Variants in ASAP2 observed in about 807,000 individuals in gnomAD.
ASAP2 encodes the protein ArfGAP with SH3 domain, ankyrin repeat and PH domain 2.
Under a neutral mutation model 131.4 loss-of-function variants are expected in ASAP2, and 45 were observed. The ratio of observed to expected loss-of-function variants is 0.34; its 90% CI spans 0.27 to 0.44. The LOEUF (loss-of-function observed/expected upper bound fraction) is 0.44, where lower values mean the gene tolerates loss of function less well. Among genes scored for constraint, ASAP2 ranks in the 20% least tolerant of loss-of-function variants. The pLI is 1.00. For missense variants in ASAP2, 1,011 were observed against 1,297.0 expected (o/e 0.78, Z 3.39); for synonymous variants, 510 against 503.0 (o/e 1.01, Z -0.19).
intron 16 of ASAP2, among the ~76,000 whole-genome samples, chr2:9,369,229 G>C (rs1326905936): frequency 6.6e-6 from 1 of 152,174 alleles, no homozygotes; most frequent in Admixed American, 6.5e-5. Context: ...ATGTTGGCCA[G>C]GCTGGACTCG....
At chr2:9,388,625 T>C in intron 22 of ASAP2, 79 bp downstream of exon 22, 16 of 1,536,306 alleles carry the variant, frequency 1.0e-5, no homozygotes, top group Non-Finnish European at 1.4e-5. Context: ...CTGCCCTGCC[T>C]CCAACTCAGT....
At chr2:9,264,127 G>C (rs980593760) in intron 1 of ASAP2, among the ~76,000 whole-genome samples, 1 of 151,180 alleles carries the variant, frequency 6.6e-6, no homozygotes. Context: ...TGGAAAGAGA[G>C]GTTGCAGTGA....
intron 22 of ASAP2, 87 bp from the exon 23 acceptor site, chr2:9,390,975 A>G: frequency 3.8e-6 from 6 of 1,599,672 alleles, no homozygotes; most frequent in South Asian, 1.1e-5. Context: ...GGGAGGATCA[A>G]TAACGCAGTG....
Position 9,318,461 on chromosome 2 carries a change from C to T in ASAP2, c.346-63C>T, listed in dbSNP as rs549384409. 13 of 1,221,502 alleles carry T rather than the reference C, an allele frequency of 1.1e-5. No homozygotes were observed. In the East Asian group the frequency reaches 2.9e-4, roughly 27 times the overall value. The allele number at this position is 1,221,502 out of a possible 1,614,324, so 75.7% of individuals were successfully genotyped here. Reference sequence around the variant, plus strand: ...TCAAATGTTCTCTCTAATGTCCTTGCTGTCCTTACTTTAGATTCACAAGGA... The same window carrying T: ...TCAAATGTTCTCTCTAATGTCCTTGTTGTCCTTACTTTAGATTCACAAGGA... On this transcript the variant is annotated intron_variant, in intron 3 of 27. Coordinates refer to ENST00000281419, the MANE Select transcript of ASAP2 (RefSeq NM_003887.3).
chr2:9,301,193 G>A (rs955731160), intron 3 of ASAP2, among the ~76,000 whole-genome samples: 2 of 152,174 alleles, frequency 1.3e-5, no homozygotes, highest in East Asian at 3.8e-4. Context: ...AAGACTCACA[G>A]TGCTACCTCT....
At chr2:9,394,159 C>CT (rs71389241) in intron 24 of ASAP2, among the ~76,000 whole-genome samples, 10,614 of 81,746 alleles carry the variant, frequency 0.13, 947 homozygotes, top group African/African-American at 0.16. Context: ...TAGTTTGTGG[C>CT]TTTTTTTTTT....
chr2:9,252,934 A>G (rs960557284), intron 1 of ASAP2, among the ~76,000 whole-genome samples: 1 of 150,834 alleles, frequency 6.6e-6, no homozygotes, highest in Non-Finnish European at 1.5e-5. Flanking sequence ...AAAAAAAAGA[A>G]TTTAGGAACA....
At chr2:9,310,715 G>C (rs890419681) in intron 3 of ASAP2, among the ~76,000 whole-genome samples, 1 of 152,204 alleles carries the variant, frequency 6.6e-6, no homozygotes, top group African/African-American at 2.4e-5. Context: ...GTGAACTGAA[G>C]GGTGGGGGAA....
intron 1 of ASAP2, among the ~76,000 whole-genome samples, chr2:9,230,928 T>C (rs1390357222): frequency 1.3e-5 from 2 of 152,082 alleles, no homozygotes; most frequent in Non-Finnish European, 2.9e-5. Context: ...CTTGGAGGTG[T>C]GTGAGGGAGG....
intron 1 of ASAP2, among the ~76,000 whole-genome samples, chr2:9,264,007 C>T: frequency 6.6e-6 from 1 of 151,920 alleles, no homozygotes; most frequent in African/African-American, 2.4e-5. Flanking sequence ...GCCTGGCCAA[C>T]CTAAGGAAAC....
chr2:9,211,903 A>T (rs1381290839), intron 1 of ASAP2, among the ~76,000 whole-genome samples: 1 of 152,214 alleles, frequency 6.6e-6, no homozygotes, highest in Non-Finnish European at 1.5e-5. Flanking sequence ...TGCCCAGAGC[A>T]TTCATGTTTT....
intron 14 of ASAP2, among the ~76,000 whole-genome samples, chr2:9,356,869 T>C (rs1672745598): frequency 6.6e-6 from 1 of 152,166 alleles, no homozygotes; most frequent in Admixed American, 6.5e-5. Flanking sequence ...GAAATAAGAT[T>C]TTATTTTTAC....
chr2:9,387,080 G>GC (rs1572611958), intron 21 of ASAP2, among the ~76,000 whole-genome samples: 1 of 151,110 alleles, frequency 6.6e-6, no homozygotes, highest in African/African-American at 2.4e-5. Flanking sequence ...GTGGTGGGTG[G>GC]GGGGGCGCCT....
At chr2:9,354,318 C>A (rs932811995) in intron 12 of ASAP2, among the ~76,000 whole-genome samples, 1 of 152,234 alleles carries the variant, frequency 6.6e-6, no homozygotes, top group African/African-American at 2.4e-5. Flanking sequence ...GTGCTCCGAT[C>A]GCCCCCTCTG....
At chr2:9,357,655 C>T (rs747957388) in intron 14 of ASAP2, among the ~76,000 whole-genome samples, 4 of 152,096 alleles carry the variant, frequency 2.6e-5, no homozygotes, top group Non-Finnish European at 5.9e-5. Context: ...AATGCCAAGA[C>T]AGTGTGGGTA....
Position 9,351,342 on chromosome 2 carries a change from T to C in ASAP2, c.1111+447T>C, listed in dbSNP as rs575829604. On this transcript the variant is annotated intron_variant, in intron 12 of 27. Transcript: ENST00000281419. ...GAAACTTCAGTGTTTGAAATTGTTT[T>C]TCTTCCTCACCACAGGAATAGTCTT... Among the ~76,000 whole-genome samples the C allele has an allele frequency of 2.0e-5, 3 of 152,370 alleles. No homozygotes were observed. In the East Asian group the frequency reaches 5.8e-4, roughly 29 times the overall value.
intron 1 of ASAP2, among the ~76,000 whole-genome samples, chr2:9,252,697 C>T (rs995698395): frequency 3.3e-5 from 5 of 152,030 alleles, no homozygotes; most frequent in Admixed American, 6.6e-5. Flanking sequence ...GGGCAGATCA[C>T]GAGGTCAGGA....
chr2:9,311,390 T>G lies in ASAP2; in HGVS notation c.346-7134T>G, dbSNP rs60012182. On this transcript the variant is annotated intron_variant, in intron 3 of 27. Coordinates refer to ENST00000281419, the MANE Select transcript of ASAP2 (RefSeq NM_003887.3). This position sits in a 1 kb window ranked among gnomAD's most constrained non-coding sequence, Gnocchi z 5.2. ...AAAAGAAAAAAAAAGTTTGCCTGCT[T>G]GTTGGTCCAACGTTAATAGCAGTGA... is the stretch of plus-strand genomic sequence containing the variant. 0.04 allele frequency among the ~76,000 whole-genome samples: 6,056 copies of G among 152,124 alleles called. 291 individuals are homozygous for G. The highest frequency in any genetic ancestry group is 0.11 in the African/African-American group (4,430 of 41,480).
chr2:9,295,993 G>A (rs1438716820), intron 2 of ASAP2, among the ~76,000 whole-genome samples: 1 of 152,196 alleles, frequency 6.6e-6, no homozygotes, highest in Non-Finnish European at 1.5e-5. Flanking sequence ...CCTAGCCATT[G>A]GCGTTAGCTG....
Sources: gnomAD v4.1 joint callset for allele counts (sites outside exome capture counted in the v4.1 genomes callset) on GRCh38, gnomAD v4.1.1 for gene constraint, Gnocchi (gnomAD v3.1) non-coding constraint, MANE v1.5 for transcripts, NCBI Gene and HGNC (gene_info 2026-07-23, HGNC 2026-07-21) for gene names.